FHIP1A: variants seen among roughly 807,000 people sequenced by gnomAD.
The protein encoded by FHIP1A is FHF complex subunit HOOK interacting protein 1A.
A neutral mutation model predicts 88.6 loss-of-function variants in FHIP1A; 61 were observed. The observed-to-expected ratio is 0.69, with a 90% confidence interval of 0.56 to 0.85. FHIP1A has a LOEUF of 0.85. Ranked by LOEUF, FHIP1A falls within the 40% of genes least tolerant of loss-of-function variation. FHIP1A has a pLI of 0.00. For synonymous variants in FHIP1A, 478 were observed against 496.0 expected (o/e 0.96, Z 0.48); for missense variants, 1,154 against 1,273.5 (o/e 0.91, Z 1.43).
chr4:151,574,873 T>C (rs925538282), intron 4 of FHIP1A, among the ~76,000 whole-genome samples: 1 of 152,104 alleles, frequency 6.6e-6, no homozygotes, highest in Admixed American at 6.6e-5. Flanking sequence ...CATATTTTGA[T>C]TCTAATTCTC....
At chr4:151,589,842 C>G (rs1734357815) in intron 7 of FHIP1A, among the ~76,000 whole-genome samples, 1 of 152,168 alleles carries the variant, frequency 6.6e-6, no homozygotes, top group Non-Finnish European at 1.5e-5. Flanking sequence ...GCCTCTCCAG[C>G]ATAGTGGCCA....
At chr4:151,598,393 C>T (rs749243264) in intron 7 of FHIP1A, among the ~76,000 whole-genome samples, 7 of 152,150 alleles carry the variant, frequency 4.6e-5, no homozygotes, top group African/African-American at 9.7e-5. Context: ...TGAGATGAAC[C>T]GGGTGCCTCA....
intron 4 of FHIP1A, among the ~76,000 whole-genome samples, chr4:151,574,794 A>G (rs960089361): frequency 2.6e-5 from 4 of 152,162 alleles, no homozygotes; most frequent in African/African-American, 9.6e-5. Flanking sequence ...TTTTTAACTT[A>G]CATTTTAATG....
chr4:151,412,580 T>TTCCTTCCTTCC (rs1199098736), intron 1 of FHIP1A, among the ~76,000 whole-genome samples: 2,166 of 113,064 alleles, frequency 0.019, 74 homozygotes, highest in Admixed American at 0.041. Flanking sequence ...CTTTCTTTCC[T>TTCCTTCCTTCC]TTCTTTCCTT....
At chr4:151,620,038 A>G (rs1735676894) in intron 7 of FHIP1A, among the ~76,000 whole-genome samples, 1 of 152,212 alleles carries the variant, frequency 6.6e-6, no homozygotes, top group Non-Finnish European at 1.5e-5. Context: ...TTGGGGAGAC[A>G]TTTAGTAGTG....
intron 7 of FHIP1A, among the ~76,000 whole-genome samples, chr4:151,623,442 C>A: frequency 6.6e-6 from 1 of 151,444 alleles, no homozygotes; most frequent in Non-Finnish European, 1.5e-5. Context: ...TTGTACTTTT[C>A]CCCCTCCACC....
rs1728260382 is a variant in FHIP1A at position 151,437,888 on chromosome 4, AAAG to A, written c.-355-16812_-355-16810del. Among the ~76,000 whole-genome samples the A allele has an allele frequency of 2.0e-5, 3 of 152,330 alleles. No homozygotes were observed. The East Asian group carries it at 5.8e-4, about 29-fold the overall frequency. On this transcript the variant is annotated intron_variant, in intron 1 of 13. Transcript: ENST00000435205. The stretch of plus-strand genomic sequence containing the variant: ...CAAAATCTATGTTCAGTTGTGTAGA[AAAG>A]GAAACTTCTTTTTTTAGTTTAAAAA...
chr4:151,544,513 C>G (rs915453527), intron 3 of FHIP1A, among the ~76,000 whole-genome samples: 3 of 152,160 alleles, frequency 2.0e-5, no homozygotes, highest in Non-Finnish European at 4.4e-5. Flanking sequence ...CTTAGAGCTT[C>G]CCAGGTGCCA....
At chr4:151,438,311 G>A (rs1010118395) in intron 1 of FHIP1A, among the ~76,000 whole-genome samples, 1 of 152,090 alleles carries the variant, frequency 6.6e-6, no homozygotes, top group South Asian at 2.1e-4. Flanking sequence ...TGCGTTCTCA[G>A]GAATACCTGT....
intron 1 of FHIP1A, among the ~76,000 whole-genome samples, chr4:151,425,758 T>C (rs1007017897): frequency 1.4e-5 from 2 of 139,442 alleles, no homozygotes; most frequent in African/African-American, 2.7e-5. Flanking sequence ...TTCCAACTTC[T>C]GGTGGTTGTC....
chr4:151,605,879 G>C (rs1735054296), intron 7 of FHIP1A, among the ~76,000 whole-genome samples: 1 of 152,162 alleles, frequency 6.6e-6, no homozygotes, highest in African/African-American at 2.4e-5. Flanking sequence ...TGTGTATGTG[G>C]GCGGGCAGGC....
At chr4:151,422,580 G>A (rs1008327752) in intron 1 of FHIP1A, among the ~76,000 whole-genome samples, 9 of 152,082 alleles carry the variant, frequency 5.9e-5, no homozygotes, top group Non-Finnish European at 1.0e-4. Context: ...TAGTAGAGAC[G>A]GGGTTTTGCC....
At chr4:151,538,764 C>T (rs1019364308) in intron 3 of FHIP1A, among the ~76,000 whole-genome samples, 2 of 152,070 alleles carry the variant, frequency 1.3e-5, no homozygotes, top group South Asian at 4.1e-4. Context: ...TGGGGTCAGG[C>T]GGATGTGAGA....
chr4:151,458,217 T>C (rs1365891240), intron 2 of FHIP1A, among the ~76,000 whole-genome samples: 1 of 152,174 alleles, frequency 6.6e-6, no homozygotes, highest in East Asian at 1.9e-4. Context: ...AGCTCTGTGA[T>C]GTGTTTTGCT....
chr4:151,628,705 T>G (rs1736043960), intron 7 of FHIP1A, among the ~76,000 whole-genome samples: 1 of 152,176 alleles, frequency 6.6e-6, no homozygotes, highest in African/African-American at 2.4e-5. Context: ...TGCTAAGATT[T>G]CTAGGGTGTG....
At chr4:151,627,740 A>G (rs996212526) in intron 7 of FHIP1A, among the ~76,000 whole-genome samples, 2 of 152,178 alleles carry the variant, frequency 1.3e-5, no homozygotes, top group African/African-American at 4.8e-5. Context: ...AGAGATCTTT[A>G]TAAAAAACGT....
At position 151,656,369 on chromosome 4, in the gene FHIP1A, AC is replaced by A; in HGVS notation, c.2691del (p.Asn898ThrfsTer18). On this transcript the variant is annotated frameshift_variant, in exon 12 of 14. Transcript: ENST00000435205. LOFTEE classifies it high-confidence loss of function. The surrounding 1 kb of genome is among the most constrained non-coding windows in gnomAD (Gnocchi z 4.2). ...QPLLRSFLLN[T>X]NMVFQPSVRS... is the part of the protein sequence containing the mutation. ...ACTCCTGCGCTCCTTTCTGCTCAAC[AC>A]CAACATGGTCTTCCAGCCAAGCGTC... is the stretch of plus-strand genomic sequence containing the variant. 6.4e-7 allele frequency: 1 copy of A among 1,551,662 alleles called. No homozygotes were observed. Among genetic ancestry groups the A allele is most frequent in the African/African-American group, 1.4e-5 (1 of 73,124 alleles).
chr4:151,548,998 A>G (rs756601251), intron 3 of FHIP1A, among the ~76,000 whole-genome samples: 2 of 152,150 alleles, frequency 1.3e-5, no homozygotes, highest in Admixed American at 6.5e-5. Context: ...TGATGCAGGT[A>G]CCCTCTACTG....
intron 3 of FHIP1A, among the ~76,000 whole-genome samples, chr4:151,527,683 A>C (rs1490230328): frequency 6.6e-6 from 1 of 152,226 alleles, no homozygotes; most frequent in African/African-American, 2.4e-5. Flanking sequence ...GCAATGCTTC[A>C]GTATAATGCT....
Sources: allele counts gnomAD v4.1 joint callset (sites outside exome capture counted in the v4.1 genomes callset), GRCh38; gene constraint gnomAD v4.1.1; non-coding constraint Gnocchi (gnomAD v3.1); transcripts MANE v1.5; gene names NCBI Gene and HGNC (gene_info 2026-07-23, HGNC 2026-07-21).